Variants in POLR1A observed in about 807,000 individuals in gnomAD.
The protein encoded by POLR1A is DNA-directed RNA polymerase I subunit RPA1.
POLR1A carries 84 observed loss-of-function variants against 205.3 expected under a neutral mutation model. The observed-to-expected ratio is 0.41, with a 90% CI of 0.34 to 0.49. The LOEUF (loss-of-function observed/expected upper bound fraction) is 0.49, where lower values mean the gene tolerates loss of function less well. Among genes scored for constraint, POLR1A ranks in the 20% least tolerant of loss-of-function variants. POLR1A has a pLI of 0.22. For synonymous variants in POLR1A, 799 were observed against 863.7 expected (o/e 0.93, Z 1.31); for missense variants, 1,645 against 2,204.5 (o/e 0.75, Z 5.08).
At chr2:86,066,586 A>G (rs964091375) in intron 13 of POLR1A, among the ~76,000 whole-genome samples, 5 of 152,192 alleles carry the variant, frequency 3.3e-5, no homozygotes, top group Non-Finnish European at 5.9e-5. Context: ...AAGATTATTA[A>G]TCATTTGATT....
At chr2:86,063,967 T>A (rs1673044812) in intron 14 of POLR1A, among the ~76,000 whole-genome samples, 1 of 152,250 alleles carries the variant, frequency 6.6e-6, no homozygotes, top group Non-Finnish European at 1.5e-5. Context: ...ATTTAAGAAG[T>A]ACGTTATTTA....
At chr2:86,074,999 T>C in intron 12 of POLR1A, 31 bp downstream of exon 12, 2 of 1,469,500 alleles carry the variant, frequency 1.4e-6, no homozygotes, top group South Asian at 1.2e-5. Context: ...AGGAGCCGGA[T>C]GGGTCCCTGA....
chr2:86,036,170 C>T (rs547068105), intron 27 of POLR1A, among the ~76,000 whole-genome samples: 14 of 152,334 alleles, frequency 9.2e-5, no homozygotes, highest in African/African-American at 2.2e-4. Flanking sequence ...AGCTCCACCA[C>T]CTGCTGTTTG....
At chr2:86,067,553 A>G (rs757169977) in intron 13 of POLR1A, among the ~76,000 whole-genome samples, 2 of 152,248 alleles carry the variant, frequency 1.3e-5, no homozygotes, top group African/African-American at 2.4e-5. Flanking sequence ...ACAAAACTCT[A>G]CTAAGTACAT....
At chr2:86,101,890 T>C (rs1463951235) in intron 1 of POLR1A, among the ~76,000 whole-genome samples, 4 of 152,244 alleles carry the variant, frequency 2.6e-5, no homozygotes, top group Non-Finnish European at 5.9e-5. Context: ...ACACCGTACT[T>C]GTCCTTTTGT....
intron 29 of POLR1A, among the ~76,000 whole-genome samples, chr2:86,031,962 T>C (rs1029431647): frequency 6.6e-6 from 1 of 152,188 alleles, no homozygotes; most frequent in Admixed American, 6.5e-5. Context: ...GAGAGGTATA[T>C]TTTCATTGTA....
chr2:86,085,735 C>A (rs1419164585), intron 6 of POLR1A, among the ~76,000 whole-genome samples: 1 of 152,192 alleles, frequency 6.6e-6, no homozygotes, highest in African/African-American at 2.4e-5. Flanking sequence ...TGCGCTGCAT[C>A]CCCTCCTAAC....
Position 86,098,698 on chromosome 2 carries a change from G to C in POLR1A, c.345C>G (p.Ala115=), listed in dbSNP as rs766130310. 14 of 1,613,802 alleles carry C rather than the reference G, an allele frequency of 8.7e-6. No individual in the cohort carries two copies. In the East Asian group the frequency reaches 2.2e-4, roughly 26 times the overall value. ...LNCHMLTCPR[A]VIHLLLCQLR... is the part of the protein sequence containing the mutation. ...GCTGGCAGAGTAAGAGGTGAATCAC[G>C]GCCCGGGGACAAGTCAGCATGTGGC... The change falls in exon 3 of 34, where the codon GCC becomes GCG. Residue 115 remains alanine, a synonymous_variant. Coordinates refer to ENST00000263857, the MANE Select transcript of POLR1A (RefSeq NM_015425.6).
intron 28 of POLR1A, among the ~76,000 whole-genome samples, chr2:86,032,706 C>G (rs1672420022): frequency 6.6e-6 from 1 of 152,052 alleles, no homozygotes; most frequent in Non-Finnish European, 1.5e-5. Context: ...AAATATTGTT[C>G]CAAATATTTT....
rs191939613 is a variant in POLR1A at position 86,046,871 on chromosome 2, C to T, written c.2733+294G>A. 2.6e-4 allele frequency among the ~76,000 whole-genome samples: 40 copies of T among 152,068 alleles called. 1 individual carries two copies. Among genetic ancestry groups the T allele is most frequent in the African/African-American group, 9.2e-4 (38 of 41,484 alleles). The stretch of plus-strand genomic sequence containing the variant: ...AGAAAGAAACAATCATGCAAAATTA[C>T]GTAAAAATTGTGTGAGTATACATAA... On this transcript the variant is annotated intron_variant, in intron 19 of 33. Coordinates refer to ENST00000263857, the MANE Select transcript of POLR1A (RefSeq NM_015425.6).
At chr2:86,077,826 C>G in intron 11 of POLR1A, 33 bp downstream of exon 11, 1 of 1,054,448 alleles carries the variant, frequency 9.5e-7, no homozygotes, top group Non-Finnish European at 1.2e-6. Context: ...CACACACACA[C>G]ACACACACAC....
At chr2:86,067,423 A>G (rs559752560) in intron 13 of POLR1A, among the ~76,000 whole-genome samples, 5 of 152,340 alleles carry the variant, frequency 3.3e-5, no homozygotes, top group African/African-American at 1.2e-4. Context: ...ATGGGCCCTC[A>G]ATAAATAAAC....
At chr2:86,081,908 T>C (rs1228400033) in intron 7 of POLR1A, among the ~76,000 whole-genome samples, 3 of 152,222 alleles carry the variant, frequency 2.0e-5, no homozygotes, top group South Asian at 2.1e-4. Flanking sequence ...CATGACTCAC[T>C]GCAGCCTTGA....
chr2:86,056,998 G>C (rs1672909272), intron 14 of POLR1A, among the ~76,000 whole-genome samples: 1 of 152,172 alleles, frequency 6.6e-6, no homozygotes, highest in African/African-American at 2.4e-5. Context: ...GAGTTATTTT[G>C]ACTTTCAAGC....
chr2:86,093,987 C>T (rs976901655), intron 3 of POLR1A, among the ~76,000 whole-genome samples: 11 of 152,156 alleles, frequency 7.2e-5, no homozygotes, highest in African/African-American at 2.4e-4. Context: ...CCCTCGATTG[C>T]GGGCATGTCT....
At chr2:86,071,273 G>T (rs1021700649) in intron 12 of POLR1A, among the ~76,000 whole-genome samples, 1 of 150,732 alleles carries the variant, frequency 6.6e-6, no homozygotes, top group Non-Finnish European at 1.5e-5. Flanking sequence ...TATGGGAAAG[G>T]GGTGGTTGGA....
Position 86,045,310 on chromosome 2 carries a change from A to G in POLR1A, c.2937T>C (p.Ala979=), listed in dbSNP as rs1312481330. 1 of 1,613,888 alleles carries G rather than the reference A, an allele frequency of 6.2e-7. No individual in the cohort carries two copies. Among genetic ancestry groups the G allele is most frequent in the East Asian group, 2.2e-5 (1 of 44,884 alleles). Residue 979 remains alanine, a synonymous_variant, in exon 21 of 34, where the codon GCT becomes GCC. Coordinates refer to ENST00000263857, the MANE Select transcript of POLR1A (RefSeq NM_015425.6). ...MAGREGLVDT[A]VKTSRSGYLQ... is the part of the protein sequence containing the mutation. Reference sequence around the variant, plus strand: ...GATAGCCTGAGCGGCTGGTTTTCACAGCAGTGTCCACCAGGCCCTCTCGTC... The same window carrying G: ...GATAGCCTGAGCGGCTGGTTTTCACGGCAGTGTCCACCAGGCCCTCTCGTC...
intron 6 of POLR1A, among the ~76,000 whole-genome samples, chr2:86,084,322 C>T (rs146059166): frequency 2.3e-3 from 345 of 151,718 alleles, no homozygotes; most frequent in African/African-American, 7.2e-3. Context: ...GAGGCTGAGA[C>T]AGGAGAATCG....
chr2:86,097,890 A>C (rs1177226190), intron 3 of POLR1A, among the ~76,000 whole-genome samples: 1 of 152,250 alleles, frequency 6.6e-6, no homozygotes, highest in Non-Finnish European at 1.5e-5. Flanking sequence ...AGAATATTGC[A>C]TGTTCGCAAC....
Sources: allele counts gnomAD v4.1 joint callset (sites outside exome capture counted in the v4.1 genomes callset), GRCh38; gene constraint gnomAD v4.1.1; transcripts MANE v1.5; gene names NCBI Gene and HGNC (gene_info 2026-07-23, HGNC 2026-07-21).